The following ZSWIM9 variants were observed in gnomAD, a reference collection of about 807,000 sequenced individuals.
The protein encoded by ZSWIM9 is zinc finger SWIM-type containing 9.
In ZSWIM9, 11 loss-of-function variants were observed where a neutral mutation model predicts 25.0. The observed-to-expected ratio is 0.44, with a 90% CI of 0.28 to 0.73. The LOEUF is 0.73. Among genes scored for constraint, ZSWIM9 ranks in the 30% least tolerant of loss-of-function variants. The pLI is 0.16. For missense variants in ZSWIM9, 1,070 were observed against 1,296.5 expected (o/e 0.83, Z 2.68); for synonymous variants, 562 against 582.1 (o/e 0.97, Z 0.50).
At chr19:48,193,566 C>T (rs529757142) in intron 3 of ZSWIM9, among the ~76,000 whole-genome samples, 4 of 152,264 alleles carry the variant, frequency 2.6e-5, no homozygotes, top group Admixed American at 2.6e-4. Flanking sequence ...GGCAAGCAGG[C>T]AATGGGCAGA....
chr19:48,177,080 A>C (rs1306204614), intron 2 of ZSWIM9, among the ~76,000 whole-genome samples: 1 of 150,840 alleles, frequency 6.6e-6, no homozygotes, highest in Admixed American at 6.6e-5. Context: ...TAAATAAATA[A>C]AAATTAAAAA....
intron 3 of ZSWIM9, among the ~76,000 whole-genome samples, chr19:48,184,138 G>A (rs932117973): frequency 1.3e-5 from 2 of 151,862 alleles, no homozygotes; most frequent in South Asian, 2.1e-4. Flanking sequence ...GAAAAAGGCC[G>A]GGGCCTGGAG....
intron 2 of ZSWIM9, chr19:48,174,626 C>T (rs1568573791): frequency 6.6e-6 from 1 of 152,210 alleles, no homozygotes; most frequent in South Asian, 2.1e-4. Context: ...AGCTCTTTCA[C>T]CGGTAGTTAT....
rs758989452 is a variant in ZSWIM9, at chr19:48,182,778, G to C, written c.588+11G>C. On this transcript the variant is annotated intron_variant, in intron 3 of 3. Coordinates refer to ENST00000614654, the MANE Select transcript of ZSWIM9 (RefSeq NM_199341.4). This position sits in a 1 kb window ranked among gnomAD's most constrained non-coding sequence, Gnocchi z 4.6. Reference sequence around the variant, plus strand: ...GACCCCGAGGCCAAGGTGGGGTCTCGAGAGAGGCAGGCCGGGGGAGGGGGC... The same window carrying C: ...GACCCCGAGGCCAAGGTGGGGTCTCCAGAGAGGCAGGCCGGGGGAGGGGGC... The C allele has an allele frequency of 1.5e-5, 22 of 1,515,834 alleles. No homozygotes were observed. In the South Asian group the frequency reaches 1.9e-4, roughly 13 times the overall value. The allele number at this position is 1,515,834 out of a possible 1,614,324, so 93.9% of individuals were successfully genotyped here.
At chr19:48,187,574 T>TTATATATTATAATAATATA (rs1568579855) in intron 3 of ZSWIM9, 1 of 59,954 alleles carries the variant, frequency 1.7e-5, no homozygotes, top group Non-Finnish European at 3.2e-5. Flanking sequence ...TAATATTATA[T>TTATATATTATAATAATATA]ATATTATATA....
At chr19:48,177,329 C>T (rs978321513) in intron 2 of ZSWIM9, among the ~76,000 whole-genome samples, 1 of 152,088 alleles carries the variant, frequency 6.6e-6, no homozygotes, top group Non-Finnish European at 1.5e-5. Context: ...GAGACCATAT[C>T]CCAGAGTAGG....
At chr19:48,171,460 G>T in intron 1 of ZSWIM9, 1 of 873,800 alleles carries the variant, frequency 1.1e-6, no homozygotes, top group African/African-American at 1.8e-5. Flanking sequence ...TTGAGGAGAT[G>T]TCCTTAAGGG....
At chr19:48,175,571 TAGAAGGCTGTG>T (rs1164019530) in intron 2 of ZSWIM9, among the ~76,000 whole-genome samples, 1 of 151,504 alleles carries the variant, frequency 6.6e-6, no homozygotes, top group African/African-American at 2.4e-5. Context: ...GTGGGAGCCC[TAGAAGGCTGTG>T]AGTAGGGTCA....
chr19:48,179,005 A>G (rs2036921371), intron 2 of ZSWIM9, among the ~76,000 whole-genome samples: 1 of 152,232 alleles, frequency 6.6e-6, no homozygotes, highest in Admixed American at 6.5e-5. Context: ...TTTGCAGAAA[A>G]TGTTTGACAG....
intron 1 of ZSWIM9, 97 bp from the exon 2 acceptor site, chr19:48,171,697 C>T (rs2036815541): frequency 1.6e-6 from 2 of 1,221,678 alleles, no homozygotes; most frequent in South Asian, 1.6e-5. Flanking sequence ...TCGATAGAGG[C>T]ACCAGCAACC....
Position 48,195,502 on chromosome 19 carries a change from G to T in ZSWIM9, c.1438G>T (p.Ala480Ser), listed in dbSNP as rs548147014. The T allele has an allele frequency of 1.6e-4, 227 of 1,413,816 alleles. 3 individuals are homozygous for T. In the East Asian group the frequency reaches 6.1e-3, roughly 38 times the overall value. 87.6% of individuals were successfully genotyped at this position (1,413,816 alleles called of 1,614,324 possible). A position where few individuals can be genotyped will look rare whatever the true frequency, so the allele number is the denominator to read the frequency against. The change falls in exon 4 of 4, where the codon GCT becomes TCT. Residue 480 changes from alanine (A) to serine (S), a missense_variant. By Grantham distance (99) the Ala-to-Ser change is moderately conservative. Around this residue, in one of 4 missense-constraint regions of ZSWIM9, gnomAD observed 583 missense variants for 624.7 expected, o/e 0.93. Coordinates refer to ENST00000614654, the MANE Select transcript of ZSWIM9 (RefSeq NM_199341.4). The surrounding 1 kb of genome is among the most constrained non-coding windows in gnomAD (Gnocchi z 5.8). The part of the protein sequence containing the change: ...RGLETGDWGG[A>S]PKEGSIWRGA... Reference sequence around the variant, plus strand: ...CCTGGAGACAGGCGACTGGGGAGGGGCTCCGAAAGAAGGAAGTATTTGGAG... The same window carrying T: ...CCTGGAGACAGGCGACTGGGGAGGGTCTCCGAAAGAAGGAAGTATTTGGAG...
At chr19:48,186,882 C>A in intron 3 of ZSWIM9, 1 of 152,478 alleles carries the variant, frequency 6.6e-6, no homozygotes, top group Non-Finnish European at 1.5e-5. Context: ...GTCCCCAAAG[C>A]CAGCGGCCCC....
At position 48,194,642 on chromosome 19, in the gene ZSWIM9, C is replaced by T. The variant is rs1388716289; in HGVS notation, c.589-11C>T. On this transcript the variant is annotated splice_polypyrimidine_tract_variant and intron_variant, in intron 3 of 3. Transcript: ENST00000614654. This position sits in a 1 kb window ranked among gnomAD's most constrained non-coding sequence, Gnocchi z 6.0. ...TGACCTCTTTCCTTGCCTCCCTGCC[C>T]CCGCCCGCAGGTGAAGCTGGTGTTC... The T allele has an allele frequency of 7.0e-7, 1 of 1,427,210 alleles. No homozygotes were observed. The highest frequency in any genetic ancestry group is 1.5e-5 in the African/African-American group (1 of 68,410). The allele number at this position is 1,427,210 out of a possible 1,614,324, so 88.4% of individuals were successfully genotyped here.
Position 48,182,974 on chromosome 19 carries a change from C to G in ZSWIM9, c.588+207C>G. 1.7e-6 allele frequency: 1 copy of G among 586,504 alleles called. No individual in the cohort carries two copies. The highest frequency in any genetic ancestry group is 3.0e-6 in the Non-Finnish European group (1 of 328,876). The allele number at this position is 586,504 out of a possible 1,614,324, so 36.3% of individuals were successfully genotyped here. On this transcript the variant is annotated intron_variant, in intron 3 of 3. Transcript: ENST00000614654. This position sits in a 1 kb window ranked among gnomAD's most constrained non-coding sequence, Gnocchi z 4.6. ...GTGGTCTCTGTCCGCAGAGAGCTTA[C>G]CTTCTAGGGTAGTGCTGCCCAGTAG...
At position 48,196,251 on chromosome 19, in the gene ZSWIM9, G is replaced by C; in HGVS notation, c.2187G>C (p.Glu729Asp). Residue 729 changes from glutamate (E) to aspartate (D), a missense_variant, in exon 4 of 4, where the codon GAG becomes GAC. Physicochemically the swap from Glu to Asp is conservative, Grantham distance 45. Coordinates refer to ENST00000614654, the MANE Select transcript of ZSWIM9 (RefSeq NM_199341.4). ...GAGACACGAGGGTCACAGGCATGGA[G>C]AATGGAGATGGAGGGGGAGCCCGGT... ...QLGDTRVTGM[E>D]NGDGGGARSV... 1 of 1,233,790 alleles carries C rather than the reference G, an allele frequency of 8.1e-7. No homozygotes were observed. Among genetic ancestry groups the C allele is most frequent in the South Asian group, 4.1e-5 (1 of 24,486 alleles). The allele number at this position is 1,233,790 out of a possible 1,614,324, so 76.4% of individuals were successfully genotyped here. A position where few individuals can be genotyped will look rare whatever the true frequency, so the allele number is the denominator to read the frequency against.
At chr19:48,187,966 AG>A (rs2037051258) in intron 3 of ZSWIM9, among the ~76,000 whole-genome samples, 1 of 151,300 alleles carries the variant, frequency 6.6e-6, no homozygotes, top group African/African-American at 2.4e-5. Flanking sequence ...ATAGATAGAT[AG>A]ATAGATAGAT....
Position 48,193,985 on chromosome 19 carries a change from A to G in ZSWIM9, c.589-668A>G, listed in dbSNP as rs1410936289. ...TGCCTCTCAGTGCATGGAGAAATGA[A>G]TGTTCAGTGCCTAGAAGGGATAATC... is the stretch of plus-strand genomic sequence containing the variant. On this transcript the variant is annotated intron_variant, in intron 3 of 3. Coordinates refer to ENST00000614654, the MANE Select transcript of ZSWIM9 (RefSeq NM_199341.4). 2.0e-5 allele frequency among the ~76,000 whole-genome samples: 3 copies of G among 152,300 alleles called. No individual in the cohort carries two copies. In the East Asian group the frequency reaches 5.8e-4, roughly 29 times the overall value.
In ZSWIM9 at chr19:48,182,372, T is replaced by TAA. The variant is rs2036956196; in HGVS notation, c.276-83_276-82insAA. ...CTCTATGCCTGAAACAATTCTTAGT[T>TAA]TAAAAAAAAAAAAAAGGTGAGTGGA... On this transcript the variant is annotated intron_variant, in intron 2 of 3. Coordinates refer to ENST00000614654, the MANE Select transcript of ZSWIM9 (RefSeq NM_199341.4). This position sits in a 1 kb window ranked among gnomAD's most constrained non-coding sequence, Gnocchi z 4.6. 4.9e-6 allele frequency: 5 copies of TAA among 1,028,260 alleles called. No homozygotes were observed. Among genetic ancestry groups the TAA allele is most frequent in the Non-Finnish European group, 6.6e-6 (5 of 754,980 alleles). The allele number at this position is 1,028,260 out of a possible 1,614,324, so 63.7% of individuals were successfully genotyped here.
In ZSWIM9 at chr19:48,194,852, C is replaced by A; in HGVS notation, c.788C>A (p.Ala263Glu). The A allele has an allele frequency of 7.3e-7, 1 of 1,362,038 alleles. No homozygotes were observed. Among genetic ancestry groups the A allele is most frequent in the Non-Finnish European group, 9.4e-7 (1 of 1,065,752 alleles). 84.4% of individuals were successfully genotyped at this position (1,362,038 alleles called of 1,614,324 possible). ...GCGCGCCAGGCTGCCTGCTGCGTGG[C>A]GCGCCCGGGCACACCGAGCCTGCTG... ...GRARQAACCV[A>E]RPGTPSLLRF... The change falls in exon 4 of 4, where the codon GCG (alanine) becomes GAG (glutamate). Residue 263 changes from alanine to glutamate, a missense_variant. Physicochemically the swap from Ala to Glu is moderately radical, Grantham distance 107. Around this residue, in one of 4 missense-constraint regions of ZSWIM9, gnomAD observed 38 missense variants for 89.7 expected, o/e 0.42. Transcript: ENST00000614654. The surrounding 1 kb of genome is among the most constrained non-coding windows in gnomAD (Gnocchi z 6.0).
Sources: allele counts gnomAD v4.1 joint callset (sites outside exome capture counted in the v4.1 genomes callset), GRCh38; gene constraint gnomAD v4.1.1; regional missense constraint gnomAD v4.1.1; non-coding constraint Gnocchi (gnomAD v3.1); transcripts MANE v1.5; gene names NCBI Gene and HGNC (gene_info 2026-07-23, HGNC 2026-07-21).